The following CNTN5 variants were observed in gnomAD, a reference collection of about 807,000 sequenced individuals.
The protein encoded by CNTN5 is contactin-5.
In CNTN5, 77 loss-of-function variants were observed where a neutral mutation model predicts 129.1. The observed-to-expected ratio is 0.60, with a 90% CI of 0.50 to 0.72. CNTN5 has a LOEUF of 0.72. CNTN5 is among the 30% of genes least tolerant of loss of function. CNTN5 has a pLI of 0.00. For synonymous variants in CNTN5, 509 were observed against 465.6 expected, an observed-to-expected ratio of 1.09 and a Z score of -1.20; for missense variants, 1,478 against 1,328.8, an observed-to-expected ratio of 1.11 and a Z score of -1.75.
At chr11:99,548,953 A>C (rs1260498401) in intron 2 of CNTN5, among the ~76,000 whole-genome samples, 1 of 152,098 alleles carries the variant, frequency 6.6e-6, no homozygotes, top group Non-Finnish European at 1.5e-5. Context: ...TTTCTCACTC[A>C]AAAAAATCTG....
In CNTN5 at chr11:99,103,254, C is replaced by T. The variant is rs760313463; in HGVS notation, c.-210+81984C>T. 5.3e-5 allele frequency among the ~76,000 whole-genome samples: 8 copies of T among 152,232 alleles called. No individual in the cohort carries two copies. In the South Asian group the frequency reaches 1.2e-3, roughly 24 times the overall value. ...GGGACACAGCCAAACCATATCAATGCTGTGTTTCTGTGTCATTGCTTGAAT... is the reference window on the plus strand; with the variant it reads ...GGGACACAGCCAAACCATATCAATGTTGTGTTTCTGTGTCATTGCTTGAAT... On this transcript the variant is annotated intron_variant, in intron 1 of 24. Coordinates refer to ENST00000524871, the MANE Select transcript of CNTN5 (RefSeq NM_014361.4).
intron 3 of CNTN5, among the ~76,000 whole-genome samples, chr11:99,761,163 T>C (rs1356253239): frequency 2.0e-5 from 3 of 152,112 alleles, no homozygotes; most frequent in Admixed American, 2.0e-4. Context: ...CAGTAGTAAT[T>C]ATTATTTTAA....
chr11:99,647,063 A>G (rs1035650529), intron 3 of CNTN5, among the ~76,000 whole-genome samples: 1 of 151,870 alleles, frequency 6.6e-6, no homozygotes, highest in Admixed American at 6.6e-5. Context: ...TTCTGCTTTT[A>G]TTGTCTGTGC....
At chr11:99,354,307 A>G (rs758115528) in intron 2 of CNTN5, among the ~76,000 whole-genome samples, 1 of 152,162 alleles carries the variant, frequency 6.6e-6, no homozygotes, top group Non-Finnish European at 1.5e-5. Context: ...TATGCTGCCA[A>G]TCATCATTTG....
Position 99,299,556 on chromosome 11 carries a change from A to G in CNTN5, c.-209-25790A>G, listed in dbSNP as rs559894894. Among the ~76,000 whole-genome samples the G allele has an allele frequency of 3.9e-5, 6 of 152,338 alleles. No individual in the cohort carries two copies. The South Asian group carries it at 1.2e-3, about 32-fold the overall frequency. ...GAAAAATAAACAGAGTCTCAAAGAC[A>G]TGTGGAATGGTCTCCAATGTCACTT... is the stretch of plus-strand genomic sequence containing the variant. On this transcript the variant is annotated intron_variant, in intron 1 of 24. Transcript: ENST00000524871.
chr11:99,768,755 G>A (rs1259284670), intron 3 of CNTN5, among the ~76,000 whole-genome samples: 1 of 152,126 alleles, frequency 6.6e-6, no homozygotes, highest in Non-Finnish European at 1.5e-5. Flanking sequence ...CACTAAGTTT[G>A]AGTCACTTGG....
chr11:99,981,071 C>T (rs1179131064), intron 8 of CNTN5, among the ~76,000 whole-genome samples: 1 of 42,056 alleles, frequency 2.4e-5, no homozygotes. Flanking sequence ...GAGAAAGAGC[C>T]AATAGGATAT....
At chr11:99,216,255 GTTTC>G (rs1035581995) in intron 1 of CNTN5, among the ~76,000 whole-genome samples, 1 of 151,986 alleles carries the variant, frequency 6.6e-6, no homozygotes, top group Non-Finnish European at 1.5e-5. Flanking sequence ...TGATATTTGT[GTTTC>G]TTTGTCTGGC....
chr11:100,224,368 T>G (rs953303338), intron 15 of CNTN5, among the ~76,000 whole-genome samples: 1 of 152,180 alleles, frequency 6.6e-6, no homozygotes, highest in Non-Finnish European at 1.5e-5. Flanking sequence ...TGTCTCTGAA[T>G]AGCAAAGCAA....
intron 11 of CNTN5, among the ~76,000 whole-genome samples, 159 bp downstream of exon 11, chr11:100,070,719 A>T (rs541959204): frequency 6.6e-6 from 1 of 152,288 alleles, no homozygotes; most frequent in Admixed American, 6.5e-5. Flanking sequence ...GGATTAACTG[A>T]GAATTTAACT....
chr11:99,639,559 G>GTTTTTT lies in CNTN5; in HGVS notation c.55+83308_55+83313dup, dbSNP rs71050010. ...TTAACAGCACCCAAGTCACCTTTATGTTTTTTTTTTTTTTTTTTTTTTTGA... is the reference window on the plus strand; with the variant it reads ...TTAACAGCACCCAAGTCACCTTTATGTTTTTTTTTTTTTTTTTTTTTTTTTTTTTGA... On this transcript the variant is annotated intron_variant, in intron 3 of 24. Coordinates refer to ENST00000524871, the MANE Select transcript of CNTN5 (RefSeq NM_014361.4). Among the ~76,000 whole-genome samples the GTTTTTT allele has an allele frequency of 6.6e-3, 467 of 70,272 alleles. 26 individuals carry two copies. The highest frequency in any genetic ancestry group is 9.1e-3 in the Non-Finnish European group (361 of 39,792). The allele number at this position is 70,272 out of a possible 152,430, so 46.1% of individuals were successfully genotyped here. A position where few individuals can be genotyped will look rare whatever the true frequency, so the allele number is the denominator to read the frequency against.
chr11:100,179,820 A>T (rs910774621), intron 13 of CNTN5, among the ~76,000 whole-genome samples: 3 of 152,130 alleles, frequency 2.0e-5, no homozygotes, highest in Non-Finnish European at 4.4e-5. Flanking sequence ...ATATTTTATA[A>T]TTACATTCCC....
intron 13 of CNTN5, among the ~76,000 whole-genome samples, chr11:100,081,153 T>C (rs934513681): frequency 6.6e-6 from 1 of 152,078 alleles, no homozygotes; most frequent in African/African-American, 2.4e-5. Context: ...AATTTTTTAT[T>C]AGAAAAAATT....
At chr11:99,578,264 T>A (rs1314065841) in intron 3 of CNTN5, among the ~76,000 whole-genome samples, 1 of 152,056 alleles carries the variant, frequency 6.6e-6, no homozygotes, top group African/African-American at 2.4e-5. Context: ...GTCTTTGCTA[T>A]TGTGACTAGT....
At chr11:99,834,900 A>G (rs892810476) in intron 4 of CNTN5, among the ~76,000 whole-genome samples, 17 of 152,214 alleles carry the variant, frequency 1.1e-4, no homozygotes, top group Admixed American at 1.3e-4. Context: ...AGTCAAGACC[A>G]TCTTGCCCTA....
chr11:99,344,059 G>A (rs1282607202), intron 2 of CNTN5, among the ~76,000 whole-genome samples: 1 of 152,118 alleles, frequency 6.6e-6, no homozygotes, highest in East Asian at 1.9e-4. Flanking sequence ...AAACTTACGG[G>A]AAGACAATTG....
chr11:99,764,092 T>A (rs1944674927), intron 3 of CNTN5, among the ~76,000 whole-genome samples: 1 of 152,266 alleles, frequency 6.6e-6, no homozygotes, highest in South Asian at 2.1e-4. Flanking sequence ...AATTTAGATA[T>A]CAATCTACAA....
intron 3 of CNTN5, among the ~76,000 whole-genome samples, chr11:99,706,908 T>G (rs1282580428): frequency 1.3e-5 from 2 of 151,200 alleles, no homozygotes; most frequent in East Asian, 3.9e-4. Flanking sequence ...CAGAGTAGTT[T>G]GAAGTTCACA....
chr11:99,534,300 C>A (rs971935379), intron 2 of CNTN5, among the ~76,000 whole-genome samples: 1 of 152,144 alleles, frequency 6.6e-6, no homozygotes, highest in Non-Finnish European at 1.5e-5. Context: ...CAGCACCAAG[C>A]ATATTATTGT....
Sources: allele counts gnomAD v4.1 joint callset (sites outside exome capture counted in the v4.1 genomes callset), GRCh38; gene constraint gnomAD v4.1.1; transcripts MANE v1.5; gene names NCBI Gene and HGNC (gene_info 2026-07-23, HGNC 2026-07-21).